GXYLT2: variants seen among roughly 807,000 people sequenced by gnomAD.
GXYLT2 encodes glycosyltransferase 8 domain containing 4.
In GXYLT2, 53 loss-of-function variants were observed where a neutral mutation model predicts 45.8. That is an observed-to-expected ratio of 1.16 (90% confidence interval 0.93 to 1.46). The LOEUF (loss-of-function observed/expected upper bound fraction) is 1.46, where lower values mean the gene tolerates loss of function less well. GXYLT2 is among the 40% of genes most tolerant of loss of function. The pLI, the probability that GXYLT2 is intolerant of heterozygous loss-of-function variation, is 0.00. For synonymous variants in GXYLT2, 219 were observed against 214.2 expected (o/e 1.02, Z -0.19); for missense variants, 551 against 544.4 (o/e 1.01, Z -0.12).
chr3:72,975,336 AT>A lies in GXYLT2; in HGVS notation c.*186del, dbSNP rs988120906. On this transcript the variant is annotated 3_prime_UTR_variant, in exon 7 of 7. Transcript: ENST00000389617. ...CCCAAAAGGGAATATGCTTTTCCTT[AT>A]TTTTTTTTCTAAAATGCTATTTATC... 43 of 381,322 alleles carry A rather than the reference AT, an allele frequency of 1.1e-4. No individual in the cohort carries two copies. Among genetic ancestry groups the A allele is most frequent in the Non-Finnish European group, 1.5e-4 (32 of 215,230 alleles). The allele number at this position is 381,322 out of a possible 1,614,324, so 23.6% of individuals were successfully genotyped here.
intron 2 of GXYLT2, among the ~76,000 whole-genome samples, chr3:72,920,933 G>A (rs969241061): frequency 6.6e-6 from 1 of 151,210 alleles, no homozygotes; most frequent in East Asian, 2.0e-4. Context: ...TGATTCTCCT[G>A]CCTCAGCCTC....
intron 6 of GXYLT2, among the ~76,000 whole-genome samples, chr3:72,972,142 G>T (rs192594658): frequency 6.6e-6 from 1 of 151,536 alleles, no homozygotes; most frequent in Non-Finnish European, 1.5e-5. Context: ...TGTTTCAGGT[G>T]CTCATAGACA....
In GXYLT2 at chr3:72,888,084, C is replaced by G; in HGVS notation, c.-150C>G. On this transcript the variant is annotated 5_prime_UTR_variant, in exon 1 of 7. Coordinates refer to ENST00000389617, the MANE Select transcript of GXYLT2 (RefSeq NM_001080393.2). ...CCTCCTCCTTCGCCGTCGCCGCCGC[C>G]GCCGGCCGCCCGCCGGCCGCCACGA... 3.1e-6 allele frequency: 1 copy of G among 320,094 alleles called. No homozygotes were observed. The highest frequency in any genetic ancestry group is 4.5e-6 in the Non-Finnish European group (1 of 223,912). 19.8% of individuals were successfully genotyped at this position (320,094 alleles called of 1,614,324 possible).
At chr3:72,898,988 C>T (rs1413206057) in intron 1 of GXYLT2, among the ~76,000 whole-genome samples, 1 of 151,800 alleles carries the variant, frequency 6.6e-6, no homozygotes, top group Non-Finnish European at 1.5e-5. Context: ...GCCTTGGCCT[C>T]CCAAAGTGCT....
At chr3:72,900,668 T>C (rs1478000636) in intron 1 of GXYLT2, among the ~76,000 whole-genome samples, 5 of 151,870 alleles carry the variant, frequency 3.3e-5, no homozygotes, top group Non-Finnish European at 7.4e-5. Flanking sequence ...TCCACCCGCC[T>C]CGGCCTCCCA....
Position 72,888,457 on chromosome 3 carries a change from C to T in GXYLT2, c.224C>T (p.Pro75Leu). 8.1e-7 allele frequency: 1 copy of T among 1,229,228 alleles called. No homozygotes were observed. Among genetic ancestry groups the T allele is most frequent in the East Asian group, 3.6e-5 (1 of 27,592 alleles). The allele number at this position is 1,229,228 out of a possible 1,614,324, so 76.1% of individuals were successfully genotyped here. ...PGVRRRRPPR[P>L]RPRAGRRGAA... The stretch of plus-strand genomic sequence containing the variant: ...GTTCGGAGGCGCCGGCCCCCGCGTC[C>T]GCGCCCCCGAGCGGGCCGCCGGGGC... Residue 75 changes from proline to leucine, a missense_variant, in exon 1 of 7, where the codon CCG (proline) becomes CTG (leucine). Physicochemically the swap from Pro to Leu is moderately conservative, Grantham distance 98. Transcript: ENST00000389617.
At chr3:72,921,450 T>G (rs546273034) in intron 2 of GXYLT2, among the ~76,000 whole-genome samples, 1 of 152,298 alleles carries the variant, frequency 6.6e-6, no homozygotes, top group South Asian at 2.1e-4. Context: ...TTAATTTTTT[T>G]GAGACACAGT....
At chr3:72,920,325 G>T (rs1224066059) in intron 2 of GXYLT2, among the ~76,000 whole-genome samples, 1 of 151,986 alleles carries the variant, frequency 6.6e-6, no homozygotes, top group African/African-American at 2.4e-5. Context: ...AGTAGAGACC[G>T]GGTTTCACCA....
At chr3:72,925,327 T>C (rs1246614937) in intron 3 of GXYLT2, among the ~76,000 whole-genome samples, 1 of 152,018 alleles carries the variant, frequency 6.6e-6, no homozygotes, top group Non-Finnish European at 1.5e-5. Context: ...CGCTAATTTT[T>C]GTATTTTTAG....
At position 72,970,107 on chromosome 3, in the gene GXYLT2, T is replaced by C. The variant is rs181193238; in HGVS notation, c.1149+2388T>C. ...GGTTTATGCCTGTAATCCTAGCACA[T>C]TGGGAGGCTGAGACAGGCAGATCAC... On this transcript the variant is annotated intron_variant, in intron 6 of 6. Coordinates refer to ENST00000389617, the MANE Select transcript of GXYLT2 (RefSeq NM_001080393.2). Among the ~76,000 whole-genome samples, 7 of 152,032 alleles carry C rather than the reference T, an allele frequency of 4.6e-5. No individual in the cohort carries two copies. In the East Asian group the frequency reaches 7.7e-4, roughly 17 times the overall value.
intron 3 of GXYLT2, among the ~76,000 whole-genome samples, chr3:72,934,291 G>T (rs983097273): frequency 1.3e-5 from 2 of 151,874 alleles, no homozygotes; most frequent in African/African-American, 4.8e-5. Flanking sequence ...TTGCTGTATT[G>T]CCCTGGCTGG....
intron 3 of GXYLT2, chr3:72,926,932 G>T (rs185695721): frequency 3.3e-5 from 5 of 152,288 alleles, no homozygotes; most frequent in African/African-American, 1.2e-4. Flanking sequence ...ATTCACCATA[G>T]ATAGCCATAT....
At chr3:72,947,452 G>A in intron 3 of GXYLT2, among the ~76,000 whole-genome samples, 1 of 152,160 alleles carries the variant, frequency 6.6e-6, no homozygotes, top group East Asian at 1.9e-4. Context: ...GGTAGACGGA[G>A]TGTGTATATC....
Position 72,888,208 on chromosome 3 carries a change from GGCCGCCGCC to G in GXYLT2, c.-17_-9del, listed in dbSNP as rs1015286524. 43 of 985,790 alleles carry G rather than the reference GGCCGCCGCC, an allele frequency of 4.4e-5. No individual in the cohort carries two copies. Among genetic ancestry groups the G allele is most frequent in the Non-Finnish European group, 4.9e-5 (41 of 832,494 alleles). 61.1% of individuals were successfully genotyped at this position (985,790 alleles called of 1,614,324 possible). A position where few individuals can be genotyped will look rare whatever the true frequency, so the allele number is the denominator to read the frequency against. On this transcript the variant is annotated 5_prime_UTR_variant, in exon 1 of 7. Coordinates refer to ENST00000389617, the MANE Select transcript of GXYLT2 (RefSeq NM_001080393.2). ...GCGCAGAGGGGCCGAGCCGCCTGGG[GGCCGCCGCC>G]GCCGCCGCGCCGCACCATGAAGCTC...
At chr3:72,966,640 T>TC (rs1464560509) in intron 5 of GXYLT2, among the ~76,000 whole-genome samples, 3 of 150,038 alleles carry the variant, frequency 2.0e-5, no homozygotes, top group Non-Finnish European at 4.4e-5. Context: ...TGTTCGTTTT[T>TC]TTTTGTTTTG....
chr3:72,922,263 AT>A lies in GXYLT2; in HGVS notation c.532del (p.Ser178LeufsTer24). The A allele has an allele frequency of 1.2e-6, 2 of 1,613,714 alleles. No homozygotes were observed. The highest frequency in any genetic ancestry group is 1.7e-6 in the Non-Finnish European group (2 of 1,179,766). On this transcript the variant is annotated frameshift_variant, in exon 3 of 7. Transcript: ENST00000389617. LOFTEE classifies it high-confidence loss of function. ...TTGAGCACAGAATCTACCCCATCAC[AT>A]TTTCTGTTGGAAACCCTCAGGAGTG... ...KFEHRIYPIT[F>X]SVGNPQEWKK...
intron 3 of GXYLT2, among the ~76,000 whole-genome samples, chr3:72,941,740 A>T (rs1710303645): frequency 6.6e-6 from 1 of 152,182 alleles, no homozygotes; most frequent in Non-Finnish European, 1.5e-5. Context: ...ATAGGTACAG[A>T]TAAGTAAAGA....
intron 3 of GXYLT2, among the ~76,000 whole-genome samples, chr3:72,945,375 T>C (rs1710384729): frequency 1.3e-5 from 2 of 152,226 alleles, no homozygotes; most frequent in African/African-American, 4.8e-5. Flanking sequence ...TAAATATTTA[T>C]TGGATGCCTA....
At chr3:72,918,753 G>A (rs753749586) in intron 2 of GXYLT2, among the ~76,000 whole-genome samples, 5 of 152,168 alleles carry the variant, frequency 3.3e-5, no homozygotes, top group East Asian at 1.9e-4. Flanking sequence ...GCTTGAACCC[G>A]GGAGGCAGAG....
Sources: gnomAD v4.1 joint callset for allele counts (sites outside exome capture counted in the v4.1 genomes callset) on GRCh38, gnomAD v4.1.1 for gene constraint, MANE v1.5 for transcripts, NCBI Gene and HGNC (gene_info 2026-07-23, HGNC 2026-07-21) for gene names.